RADIL: variants seen among roughly 807,000 people sequenced by gnomAD.
The protein encoded by RADIL is Rap associating with DIL domain, also known as ras-associating and dilute domain-containing protein.
A neutral mutation model predicts 97.6 loss-of-function variants in RADIL; 99 were observed. The ratio of observed to expected loss-of-function variants is 1.01; its 90% CI spans 0.86 to 1.20. The LOEUF (loss-of-function observed/expected upper bound fraction) is 1.20. Ranked by LOEUF, RADIL falls within the 50% of genes most tolerant of loss-of-function variation. The probability of loss-of-function intolerance (pLI) is 0.00; values close to 1 mark genes in which losing one functional copy is unlikely to be tolerated. For synonymous variants in RADIL, 803 were observed against 691.8 expected (o/e 1.16, Z -2.52); for missense variants, 1,765 against 1,498.9 (o/e 1.18, Z -2.93).
chr7:4,819,593 G>A lies in RADIL; in HGVS notation c.1616-2242C>T, dbSNP rs1028728650. On this transcript the variant is annotated intron_variant, in intron 6 of 14. Coordinates refer to ENST00000399583, the MANE Select transcript of RADIL (RefSeq NM_018059.5). The surrounding 1 kb of genome is among the most constrained non-coding windows in gnomAD (Gnocchi z 5.8). ...ATCTGAGGCGCACACGATGGTGTGA[G>A]GCGGCGCGGGAGGGGCCTGGGTCAG... is the stretch of plus-strand genomic sequence containing the variant. Among the ~76,000 whole-genome samples, 2 of 152,224 alleles carry A rather than the reference G, an allele frequency of 1.3e-5. No homozygotes were observed. The highest frequency in any genetic ancestry group is 2.9e-5 in the Non-Finnish European group (2 of 68,040).
intron 11 of RADIL, among the ~76,000 whole-genome samples, chr7:4,802,674 T>C (rs1583257324): frequency 2.1e-5 from 2 of 94,010 alleles, no homozygotes; most frequent in Non-Finnish European, 2.1e-5. Flanking sequence ...GGGGGCCCCC[T>C]CCCCGGGTAC....
chr7:4,862,053 C>G, intron 2 of RADIL: 1 of 385,478 alleles, frequency 2.6e-6, no homozygotes, highest in Non-Finnish European at 4.6e-6. Flanking sequence ...CGGGCGCCTG[C>G]GCACCCGCCG....
chr7:4,848,126 G>A (rs1783620058), intron 2 of RADIL, among the ~76,000 whole-genome samples: 1 of 151,510 alleles, frequency 6.6e-6, no homozygotes, highest in African/African-American at 2.4e-5. Context: ...GAACCTGGGA[G>A]ATGGTGGAGG....
chr7:4,808,453 C>T, intron 9 of RADIL: 1 of 401,616 alleles, frequency 2.5e-6, no homozygotes, highest in Non-Finnish European at 3.4e-6. Context: ...CAGGGGTCAT[C>T]AAACTAGGGC....
intron 11 of RADIL, among the ~76,000 whole-genome samples, chr7:4,802,959 T>TG (rs1292569296): frequency 1.2e-5 from 1 of 81,462 alleles, no homozygotes; most frequent in Non-Finnish European, 2.3e-5. Flanking sequence ...GCACGCTGGC[T>TG]GGGGGGCCCC....
intron 12 of RADIL, 58 bp downstream of exon 12, chr7:4,801,595 T>C: frequency 6.6e-7 from 1 of 1,511,534 alleles, no homozygotes; most frequent in Non-Finnish European, 8.9e-7. Context: ...GGACCGGCCA[T>C]CAGGGTGCTG....
Position 4,804,080 on chromosome 7 carries a change from G to A in RADIL, c.2291-326C>T, listed in dbSNP as rs540532070. 1.2e-4 allele frequency: 47 copies of A among 379,108 alleles called. 1 individual carries two copies. The highest frequency in any genetic ancestry group is 8.5e-4 in the South Asian group (34 of 40,200). The allele number at this position is 379,108 out of a possible 1,614,324, so 23.5% of individuals were successfully genotyped here. On this transcript the variant is annotated intron_variant, in intron 10 of 14. Transcript: ENST00000399583. Reference sequence around the variant, plus strand: ...CCCACTGGTCTCTGATGGTGTCTCCGGGTAACTGGAGCTCCCCCAGCCCGG... The same window carrying A: ...CCCACTGGTCTCTGATGGTGTCTCCAGGTAACTGGAGCTCCCCCAGCCCGG...
intron 2 of RADIL, among the ~76,000 whole-genome samples, chr7:4,851,557 G>C (rs1783709418): frequency 6.6e-6 from 1 of 152,298 alleles, no homozygotes; most frequent in Middle Eastern, 3.4e-3. Context: ...GGAGGAAGGA[G>C]GGTTCTTGTG....
chr7:4,805,666 C>G lies in RADIL; in HGVS notation c.2190G>C (p.Gln730His). Residue 730 changes from glutamine to histidine, a missense_variant, in exon 10 of 15, where the codon CAG becomes CAC. Physicochemically the swap from Gln to His is conservative, Grantham distance 24 (BLOSUM62 0). Transcript: ENST00000399583. Reference sequence around the variant, plus strand: ...GGTAGTGAGTCAGCAGCCGGTGCAGCTGTGCTGGGCTCAGTGCGGGGAACG... The same window carrying G: ...GGTAGTGAGTCAGCAGCCGGTGCAGGTGTGCTGGGCTCAGTGCGGGGAACG... ...RAAFPALSPA[Q>H]LHRLLTHYQL... 6.2e-7 allele frequency: 1 copy of G among 1,611,862 alleles called. No individual in the cohort carries two copies. The highest frequency in any genetic ancestry group is 1.3e-5 in the African/African-American group (1 of 75,080).
rs1782980142 is a variant in RADIL, at chr7:4,826,467, T to A, written c.1455-3913A>T. On this transcript the variant is annotated intron_variant, in intron 5 of 14. Coordinates refer to ENST00000399583, the MANE Select transcript of RADIL (RefSeq NM_018059.5). ...CCAGTCAGAAGCCAGTTGTGATGGC[T>A]CACACCTGTAATCCCAGCACTTTGG... is the stretch of plus-strand genomic sequence containing the variant. Among the ~76,000 whole-genome samples, 3 of 152,058 alleles carry A rather than the reference T, an allele frequency of 2.0e-5. No homozygotes were observed. The South Asian group carries it at 6.2e-4, about 32-fold the overall frequency.
intron 2 of RADIL, among the ~76,000 whole-genome samples, chr7:4,852,269 T>G (rs758194573): frequency 6.6e-6 from 1 of 152,060 alleles, no homozygotes; most frequent in Non-Finnish European, 1.5e-5. Context: ...GAAAGATGAC[T>G]CAGAGGATGA....
chr7:4,834,989 A>G lies in RADIL; in HGVS notation c.1034T>C (p.Leu345Pro), dbSNP rs1783255249. 3 of 1,611,222 alleles carry G rather than the reference A, an allele frequency of 1.9e-6. No individual in the cohort carries two copies. The highest frequency in any genetic ancestry group is 1.1e-5 in the South Asian group (1 of 90,854). ...CAGCAGGTAGTAGAGCCCCAGGGAG[A>G]GCAGGTCCCCGTGGTGCAGCACCAC... ...RTVVLHHGDL[L>P]SLGLYYLLLF... Residue 345 changes from leucine (L) to proline (P), a missense_variant, in exon 4 of 15, where the codon CTC becomes CCC. By Grantham distance (98) the Leu-to-Pro change is moderately conservative. Transcript: ENST00000399583. The surrounding 1 kb of genome is among the most constrained non-coding windows in gnomAD (Gnocchi z 6.0).
At chr7:4,807,277 C>T (rs1782342750) in intron 9 of RADIL, among the ~76,000 whole-genome samples, 1 of 152,012 alleles carries the variant, frequency 6.6e-6, no homozygotes, top group East Asian at 1.9e-4. Flanking sequence ...GAACGACGTC[C>T]TCCAACACCA....
chr7:4,854,966 C>T lies in RADIL; in HGVS notation c.536-18361G>A, dbSNP rs571399330. On this transcript the variant is annotated intron_variant, in intron 2 of 14. Coordinates refer to ENST00000399583, the MANE Select transcript of RADIL (RefSeq NM_018059.5). The surrounding 1 kb of genome is among the most constrained non-coding windows in gnomAD (Gnocchi z 5.1). ...TGGCCTTTTTTCATTTATAGTTACA[C>T]CACACATTTTTGGAACCCTAAATTA... is the stretch of plus-strand genomic sequence containing the variant. Among the ~76,000 whole-genome samples, 8 of 152,246 alleles carry T rather than the reference C, an allele frequency of 5.3e-5. No individual in the cohort carries two copies. Among genetic ancestry groups the T allele is most frequent in the Admixed American group, 2.0e-4 (3 of 15,298 alleles).
At chr7:4,831,207 A>G (rs939751601) in intron 5 of RADIL, among the ~76,000 whole-genome samples, 3 of 151,518 alleles carry the variant, frequency 2.0e-5, no homozygotes, top group African/African-American at 7.3e-5. Context: ...AAGAAAAAAA[A>G]AAAAAAGCAC....
At chr7:4,806,091 C>T in intron 9 of RADIL, 1 of 977,136 alleles carries the variant, frequency 1.0e-6, no homozygotes, top group Non-Finnish European at 1.2e-6. Flanking sequence ...CGGCTAAAAA[C>T]CTGCCTGGAA....
At chr7:4,810,013 C>A (rs1782494211) in intron 9 of RADIL, among the ~76,000 whole-genome samples, 1 of 152,112 alleles carries the variant, frequency 6.6e-6, no homozygotes. Context: ...TTACGCCATG[C>A]CTGGCTAGTT....
rs1267216861 is a variant in RADIL at position 4,805,667 on chromosome 7, T to C, written c.2189A>G (p.Gln730Arg). 3.7e-6 allele frequency: 6 copies of C among 1,611,752 alleles called. No individual in the cohort carries two copies. Among genetic ancestry groups the C allele is most frequent in the Admixed American group, 1.7e-5 (1 of 59,994 alleles). ...RAAFPALSPA[Q>R]LHRLLTHYQL... is the part of the protein sequence containing the mutation. ...GTAGTGAGTCAGCAGCCGGTGCAGC[T>C]GTGCTGGGCTCAGTGCGGGGAACGC... Residue 730 changes from glutamine (Q) to arginine (R), a missense_variant, in exon 10 of 15, where the codon CAG (glutamine) becomes CGG (arginine). Gln to Arg is a conservative substitution (Grantham distance 43, BLOSUM62 1). Transcript: ENST00000399583.
At chr7:4,847,441 T>C (rs1238408826) in intron 2 of RADIL, among the ~76,000 whole-genome samples, 1 of 152,168 alleles carries the variant, frequency 6.6e-6, no homozygotes, top group African/African-American at 2.4e-5. Context: ...TGTCGGTTTG[T>C]TAAAATGTTA....
Sources: gnomAD v4.1 joint callset for allele counts (sites outside exome capture counted in the v4.1 genomes callset) on GRCh38, gnomAD v4.1.1 for gene constraint, Gnocchi (gnomAD v3.1) non-coding constraint, MANE v1.5 for transcripts, NCBI Gene and HGNC (gene_info 2026-07-23, HGNC 2026-07-21) for gene names.